The following TTC39C variants were observed in gnomAD, a reference collection of about 807,000 sequenced individuals.
TTC39C encodes tetratricopeptide repeat domain 39C.
TTC39C carries 33 observed loss-of-function variants against 76.3 expected under a neutral mutation model. The observed-to-expected ratio is 0.43, with a 90% CI of 0.33 to 0.58. The LOEUF (loss-of-function observed/expected upper bound fraction) is 0.58, where lower values mean the gene tolerates loss of function less well. TTC39C is among the 20% of genes least tolerant of loss of function. The pLI is 0.04. For synonymous variants in TTC39C, 254 were observed against 260.6 expected (o/e 0.97, Z 0.24); for missense variants, 595 against 701.4 (o/e 0.85, Z 1.71).
chr18:24,091,676 A>G (rs1440108568), intron 6 of TTC39C, among the ~76,000 whole-genome samples: 2 of 152,214 alleles, frequency 1.3e-5, no homozygotes, highest in Non-Finnish European at 2.9e-5. Context: ...CAAGAAAGTG[A>G]AAAGACAACC....
At chr18:24,025,167 C>A (rs923352567) in intron 1 of TTC39C, among the ~76,000 whole-genome samples, 3 of 152,154 alleles carry the variant, frequency 2.0e-5, no homozygotes, top group Admixed American at 2.0e-4. Context: ...CTGCGCCCGG[C>A]CTCCAAAATA....
chr18:24,130,259 C>A, intron 11 of TTC39C, 54 bp from the exon 12 acceptor site: 1 of 949,844 alleles, frequency 1.1e-6, no homozygotes, highest in Non-Finnish European at 1.6e-6. Context: ...TTATAATAAG[C>A]CTTATGCTAA....
intron 6 of TTC39C, among the ~76,000 whole-genome samples, chr18:24,110,759 A>G (rs1353421862): frequency 1.3e-5 from 2 of 152,260 alleles, no homozygotes; most frequent in African/African-American, 2.4e-5. Flanking sequence ...GTCAATAAAC[A>G]TGCCCTACTT....
chr18:24,124,060 G>T (rs537684654), intron 9 of TTC39C, 117 bp downstream of exon 9: 1 of 676,986 alleles, frequency 1.5e-6, no homozygotes, highest in Non-Finnish European at 2.5e-6. Flanking sequence ...GCCACATAAA[G>T]TGCAGTTCAC....
chr18:24,095,454 T>C (rs956749093), intron 6 of TTC39C, among the ~76,000 whole-genome samples: 1 of 152,210 alleles, frequency 6.6e-6, no homozygotes, highest in African/African-American at 2.4e-5. Context: ...ATCCCTGCTC[T>C]TTGGGAGGCT....
chr18:24,023,887 C>T (rs1373219415), intron 1 of TTC39C, among the ~76,000 whole-genome samples: 1 of 142,800 alleles, frequency 7.0e-6, no homozygotes, highest in South Asian at 2.2e-4. Context: ...ATAACCTACT[C>T]ATGCATACAA....
At chr18:24,027,356 G>T (rs1283990488) in intron 1 of TTC39C, among the ~76,000 whole-genome samples, 1 of 152,076 alleles carries the variant, frequency 6.6e-6, no homozygotes, top group African/African-American at 2.4e-5. Context: ...TGAGTCACTG[G>T]CAAGGCTTTG....
chr18:24,074,621 G>A (rs1382954120), intron 4 of TTC39C, among the ~76,000 whole-genome samples: 1 of 152,178 alleles, frequency 6.6e-6, no homozygotes, highest in Admixed American at 6.5e-5. Context: ...ACATAAGTTA[G>A]AATGGTGATC....
intron 1 of TTC39C, among the ~76,000 whole-genome samples, chr18:24,048,900 CTG>C (rs745800883): frequency 7.9e-5 from 12 of 152,180 alleles, no homozygotes; most frequent in Non-Finnish European, 1.2e-4. Context: ...CTTTGAAACA[CTG>C]TATTTACTTT....
chr18:24,065,866 T>C, intron 2 of TTC39C, 146 bp from the exon 3 acceptor site: 1 of 789,372 alleles, frequency 1.3e-6, no homozygotes, highest in Non-Finnish European at 1.9e-6. Context: ...TTTCTTTGAA[T>C]GAATAGATTA....
intron 3 of TTC39C, among the ~76,000 whole-genome samples, chr18:24,067,441 G>A (rs1466834039): frequency 6.6e-6 from 1 of 152,158 alleles, no homozygotes; most frequent in Non-Finnish European, 1.5e-5. Context: ...ACTGGTCTAT[G>A]GGCTGTTAGG....
At chr18:24,036,870 C>T (rs1021633252) in intron 1 of TTC39C, among the ~76,000 whole-genome samples, 4 of 152,170 alleles carry the variant, frequency 2.6e-5, no homozygotes, top group East Asian at 3.9e-4. Flanking sequence ...TGGGCTCAAG[C>T]CATCTGTCCG....
intron 6 of TTC39C, among the ~76,000 whole-genome samples, chr18:24,097,599 A>C (rs896139775): frequency 1.3e-5 from 2 of 152,224 alleles, no homozygotes; most frequent in Non-Finnish European, 1.5e-5. Flanking sequence ...CTCTTCAATT[A>C]GGGCATGAAC....
intron 4 of TTC39C, among the ~76,000 whole-genome samples, chr18:24,072,013 A>G (rs2084246753): frequency 6.6e-6 from 1 of 152,228 alleles, no homozygotes; most frequent in Non-Finnish European, 1.5e-5. Flanking sequence ...TTTCAAACAA[A>G]CACAACCAAC....
intron 1 of TTC39C, among the ~76,000 whole-genome samples, chr18:23,998,810 G>GGTTCCAAATAGAGACA (rs149626712): frequency 4.0e-5 from 6 of 151,824 alleles, no homozygotes; most frequent in Admixed American, 6.6e-5. Context: ...GCATGAAGCT[G>GGTTCCAAATAGAGACA]GTGGAGCTCT....
intron 7 of TTC39C, among the ~76,000 whole-genome samples, chr18:24,116,115 A>G (rs1568443431): frequency 2.0e-5 from 3 of 152,234 alleles, no homozygotes; most frequent in Admixed American, 1.3e-4. Context: ...TTCCTGAGTT[A>G]TTCCTGACTT....
At chr18:24,130,141 G>A (rs557199791) in intron 11 of TTC39C, among the ~76,000 whole-genome samples, 172 bp from the exon 12 acceptor site, 3 of 152,298 alleles carry the variant, frequency 2.0e-5, no homozygotes, top group African/African-American at 7.2e-5. Flanking sequence ...CAGGCAGCAT[G>A]TAAAGGACTT....
intron 1 of TTC39C, among the ~76,000 whole-genome samples, chr18:24,045,631 T>C (rs1473475752): frequency 6.6e-6 from 1 of 152,020 alleles, no homozygotes; most frequent in Non-Finnish European, 1.5e-5. Flanking sequence ...GGAGTTGGCA[T>C]ACACAGGTGC....
At chr18:24,006,009 C>T (rs1397702648) in intron 1 of TTC39C, among the ~76,000 whole-genome samples, 1 of 101,512 alleles carries the variant, frequency 9.9e-6, no homozygotes, top group Non-Finnish European at 2.1e-5. Flanking sequence ...GCTTATCCTA[C>T]AGAATATTTT....
Sources: allele counts gnomAD v4.1 joint callset (sites outside exome capture counted in the v4.1 genomes callset), GRCh38; gene constraint gnomAD v4.1.1; transcripts MANE v1.5; gene names NCBI Gene and HGNC (gene_info 2026-07-23, HGNC 2026-07-21).